The following PARD3B variants were observed in gnomAD, a reference collection of about 807,000 sequenced individuals.
The protein encoded by PARD3B is par-3 family cell polarity regulator beta.
A neutral mutation model predicts 130.2 loss-of-function variants in PARD3B; 103 were observed. The observed-to-expected ratio is 0.79, with a 90% CI of 0.67 to 0.93. The LOEUF is 0.93. Ranked by LOEUF, PARD3B falls within the 40% of genes least tolerant of loss-of-function variation. PARD3B has a pLI of 0.00. For synonymous variants in PARD3B, 583 were observed against 553.2 expected, an observed-to-expected ratio of 1.05 and a Z score of -0.76; for missense variants, 1,609 against 1,499.2, an observed-to-expected ratio of 1.07 and a Z score of -1.21.
intron 15 of PARD3B, among the ~76,000 whole-genome samples, chr2:205,198,348 T>C (rs76162090): frequency 6.6e-6 from 1 of 152,310 alleles, no homozygotes; most frequent in Non-Finnish European, 1.5e-5. Context: ...TTAGGAAGTT[T>C]CCTGACAATG....
chr2:205,047,554 C>T, intron 3 of PARD3B, 27 bp from the exon 4 acceptor site: 2 of 1,482,370 alleles, frequency 1.3e-6, no homozygotes, highest in Non-Finnish European at 1.8e-6. Flanking sequence ...GTTCTTTTGA[C>T]CTCTCACCTC....
chr2:205,144,735 A>G (rs543753523), intron 10 of PARD3B, among the ~76,000 whole-genome samples: 7 of 152,202 alleles, frequency 4.6e-5, no homozygotes, highest in Non-Finnish European at 1.0e-4. Flanking sequence ...GTTGTTACCC[A>G]CTGAGATTTC....
intron 18 of PARD3B, among the ~76,000 whole-genome samples, chr2:205,383,563 G>C (rs2045558080): frequency 6.6e-6 from 1 of 152,020 alleles, no homozygotes; most frequent in Non-Finnish European, 1.5e-5. Context: ...ACTTGTTATA[G>C]TTTGTATATC....
intron 18 of PARD3B, among the ~76,000 whole-genome samples, chr2:205,344,498 C>T (rs2043674922): frequency 6.6e-6 from 1 of 152,168 alleles, no homozygotes; most frequent in South Asian, 2.1e-4. Context: ...ACATCAACTC[C>T]TTGGCATGAC....
At chr2:204,740,180 C>CT (rs547815624) in intron 2 of PARD3B, among the ~76,000 whole-genome samples, 142 of 142,824 alleles carry the variant, frequency 9.9e-4, no homozygotes, top group African/African-American at 1.9e-3. Flanking sequence ...CCTGGCTAAT[C>CT]TTTTTTTTTT....
At chr2:204,813,716 AT>A (rs978804126) in intron 2 of PARD3B, among the ~76,000 whole-genome samples, 3 of 151,776 alleles carry the variant, frequency 2.0e-5, no homozygotes, top group African/African-American at 4.8e-5. Context: ...GTTCAAGTTT[AT>A]TTTTTTTACA....
intron 20 of PARD3B, among the ~76,000 whole-genome samples, chr2:205,486,073 T>C (rs147419366): frequency 3.7e-4 from 57 of 152,354 alleles, no homozygotes; most frequent in African/African-American, 1.3e-3. Flanking sequence ...TATGAATAAG[T>C]AAAGCTTAAA....
chr2:204,965,596 CATATGAGTATA>C (rs1340422007), intron 3 of PARD3B, among the ~76,000 whole-genome samples: 3 of 152,052 alleles, frequency 2.0e-5, no homozygotes, highest in African/African-American at 7.2e-5. Flanking sequence ...TTGCCTGTAT[CATATGAGTATA>C]ACTTTTTAAA....
intron 14 of PARD3B, among the ~76,000 whole-genome samples, chr2:205,186,566 G>A (rs766725521): frequency 1.3e-5 from 2 of 152,074 alleles, no homozygotes; most frequent in South Asian, 4.1e-4. Flanking sequence ...TGATAATCCT[G>A]TGAAATTTCT....
intron 1 of PARD3B, among the ~76,000 whole-genome samples, chr2:204,601,568 A>C (rs1437114404): frequency 2.6e-5 from 4 of 151,936 alleles, no homozygotes; most frequent in Non-Finnish European, 5.9e-5. Flanking sequence ...TCCCAAAATG[A>C]TTTTCTTCAT....
intron 2 of PARD3B, among the ~76,000 whole-genome samples, chr2:204,748,431 A>G (rs529777259): frequency 6.6e-6 from 1 of 151,982 alleles, no homozygotes; most frequent in East Asian, 1.9e-4. Flanking sequence ...ACCTCGTGAC[A>G]TTTTTCTACT....
At chr2:204,782,386 CAT>C (rs59471967) in intron 2 of PARD3B, among the ~76,000 whole-genome samples, 138,749 of 151,430 alleles carry the variant, frequency 0.92, 63,804 homozygotes, top group Middle Eastern at 0.97. Context: ...ATATGTATTA[CAT>C]ATGTTATATA....
intron 2 of PARD3B, among the ~76,000 whole-genome samples, chr2:204,703,229 T>G (rs2037977884): frequency 6.6e-6 from 1 of 152,098 alleles, no homozygotes; most frequent in African/African-American, 2.4e-5. Context: ...AAAGCCAGAG[T>G]TCTTAACCAC....
At chr2:205,010,193 G>T (rs765767275) in intron 3 of PARD3B, among the ~76,000 whole-genome samples, 1 of 151,582 alleles carries the variant, frequency 6.6e-6, no homozygotes, top group Non-Finnish European at 1.5e-5. Flanking sequence ...CTTTTTTTTT[G>T]AAGTTAAGTA....
chr2:204,923,719 C>G (rs888506888), intron 2 of PARD3B, among the ~76,000 whole-genome samples: 1 of 151,964 alleles, frequency 6.6e-6, no homozygotes, highest in Non-Finnish European at 1.5e-5. Context: ...GTGAGAGTCA[C>G]TAAACAATAT....
intron 1 of PARD3B, among the ~76,000 whole-genome samples, chr2:204,567,997 T>C (rs1048752965): frequency 3.9e-5 from 6 of 152,222 alleles, no homozygotes; most frequent in Non-Finnish European, 7.3e-5. Flanking sequence ...TTCTAAATTA[T>C]AGTTTTCATA....
intron 3 of PARD3B, among the ~76,000 whole-genome samples, chr2:204,990,684 T>C (rs1327281378): frequency 6.6e-6 from 1 of 152,162 alleles, no homozygotes; most frequent in Non-Finnish European, 1.5e-5. Context: ...AGTTAATGAC[T>C]TGTCTTCTCT....
intron 2 of PARD3B, among the ~76,000 whole-genome samples, chr2:204,868,101 C>G (rs1170591905): frequency 1.3e-5 from 2 of 152,112 alleles, no homozygotes; most frequent in African/African-American, 4.8e-5. Flanking sequence ...TATCTCACTT[C>G]TGGGGTGGTG....
intron 5 of PARD3B, among the ~76,000 whole-genome samples, chr2:205,106,531 A>G (rs986455226): frequency 3.5e-5 from 4 of 115,730 alleles, no homozygotes; most frequent in African/African-American, 1.2e-4. Context: ...GTGTGTGTGT[A>G]TATTTGATTA....
Sources: gnomAD v4.1 joint callset for allele counts (sites outside exome capture counted in the v4.1 genomes callset) on GRCh38, gnomAD v4.1.1 for gene constraint, MANE v1.5 for transcripts, NCBI Gene and HGNC (gene_info 2026-07-23, HGNC 2026-07-21) for gene names.